Variants in LRRC4C observed in about 807,000 individuals in gnomAD.
LRRC4C encodes the protein leucine-rich repeat-containing protein 4C.
LRRC4C carries 5 observed loss-of-function variants against 33.6 expected under a neutral mutation model. The ratio of observed to expected loss-of-function variants is 0.15; its 90% confidence interval spans 0.08 to 0.31. The LOEUF (loss-of-function observed/expected upper bound fraction) is 0.31, where lower values mean the gene tolerates loss of function less well. LRRC4C is among the 10% of genes least tolerant of loss of function. LRRC4C has a pLI of 1.00. For synonymous variants in LRRC4C, 329 were observed against 302.0 expected (o/e 1.09, Z -0.93); for missense variants, 560 against 796.7 (o/e 0.70, Z 3.58).
At chr11:40,608,144 T>G (rs1299717668) in intron 3 of LRRC4C, among the ~76,000 whole-genome samples, 2 of 152,168 alleles carry the variant, frequency 1.3e-5, no homozygotes, top group African/African-American at 2.4e-5. Flanking sequence ...ACTTTTAATT[T>G]GGGTATAGGA....
At chr11:40,707,815 ATT>A (rs1359729002) in intron 2 of LRRC4C, among the ~76,000 whole-genome samples, 1 of 152,192 alleles carries the variant, frequency 6.6e-6, no homozygotes, top group African/African-American at 2.4e-5. Flanking sequence ...CTCTGGTATA[ATT>A]CGGCTGTGAA....
At chr11:41,125,272 T>C (rs1042071238) in intron 1 of LRRC4C, among the ~76,000 whole-genome samples, 48 of 80,642 alleles carry the variant, frequency 6.0e-4, no homozygotes, top group Non-Finnish European at 1.2e-3. Context: ...TGTTGAGTCA[T>C]GAAATGAAAA....
chr11:40,668,426 A>T (rs989833295), intron 2 of LRRC4C, among the ~76,000 whole-genome samples: 18 of 152,210 alleles, frequency 1.2e-4, no homozygotes, highest in Admixed American at 8.5e-4. Context: ...TAAAAAATGC[A>T]AACACAAATT....
chr11:40,763,733 T>A (rs1239289385), intron 2 of LRRC4C, among the ~76,000 whole-genome samples: 1 of 152,136 alleles, frequency 6.6e-6, no homozygotes, highest in Non-Finnish European at 1.5e-5. Context: ...TAGGATAGAA[T>A]TGAGCCAGAG....
intron 3 of LRRC4C, among the ~76,000 whole-genome samples, chr11:40,425,567 C>A (rs1950680794): frequency 1.3e-5 from 2 of 152,104 alleles, no homozygotes; most frequent in Admixed American, 6.5e-5. Context: ...GCCAGTTCCA[C>A]AAGCACAGAC....
chr11:41,239,321 CAAAAAAAAAAA>C (rs56018613), intron 1 of LRRC4C, among the ~76,000 whole-genome samples: 2 of 55,168 alleles, frequency 3.6e-5, no homozygotes, highest in South Asian at 9.9e-4. Flanking sequence ...GACTCTGTCT[CAAAAAAAAAAA>C]AAAAAAAAAA....
chr11:40,612,207 C>T (rs1329825068), intron 3 of LRRC4C, among the ~76,000 whole-genome samples: 1 of 151,692 alleles, frequency 6.6e-6, no homozygotes, highest in African/African-American at 2.4e-5. Flanking sequence ...ATTATTAAGC[C>T]TTAAAAAGAA....
At chr11:40,558,517 C>T (rs1450127711) in intron 3 of LRRC4C, among the ~76,000 whole-genome samples, 1 of 152,130 alleles carries the variant, frequency 6.6e-6, no homozygotes, top group Non-Finnish European at 1.5e-5. Flanking sequence ...AGAATCAGCT[C>T]ATTAAGGAAA....
intron 1 of LRRC4C, among the ~76,000 whole-genome samples, chr11:41,257,773 A>G (rs991331087): frequency 2.0e-5 from 3 of 152,038 alleles, no homozygotes; most frequent in African/African-American, 4.8e-5. Context: ...CCATGGCTCT[A>G]CTTTGCCAGA....
chr11:40,166,409 A>G (rs145182156), intron 5 of LRRC4C, among the ~76,000 whole-genome samples: 2 of 152,316 alleles, frequency 1.3e-5, no homozygotes, highest in East Asian at 3.9e-4. Context: ...ATCTTAATCT[A>G]CACTCTTTGA....
chr11:40,762,718 C>T (rs981485050), intron 2 of LRRC4C, among the ~76,000 whole-genome samples: 1 of 152,120 alleles, frequency 6.6e-6, no homozygotes, highest in Non-Finnish European at 1.5e-5. Flanking sequence ...CTTGAGTAGT[C>T]TGGCTACCCA....
intron 1 of LRRC4C, among the ~76,000 whole-genome samples, chr11:41,393,487 G>T (rs2939764): frequency 3.3e-5 from 5 of 151,492 alleles, no homozygotes; most frequent in African/African-American, 4.8e-5. Context: ...GTAGGGGCAG[G>T]GGGGAGGAGG....
chr11:40,933,778 A>T (rs888841283), intron 1 of LRRC4C, 55 bp from the exon 2 acceptor site: 2 of 152,044 alleles, frequency 1.3e-5, no homozygotes, highest in African/African-American at 4.8e-5. Flanking sequence ...GTTAGAAAAT[A>T]GCCCAAGCAA....
chr11:40,898,357 A>AG, intron 2 of LRRC4C, among the ~76,000 whole-genome samples: 1 of 143,252 alleles, frequency 7.0e-6, no homozygotes, highest in Non-Finnish European at 1.5e-5. Flanking sequence ...CCATCTCAAA[A>AG]AAAAAAAAAA....
In LRRC4C at chr11:40,114,871, G is replaced by A. The variant is rs754391328; in HGVS notation, c.1422C>T (p.Asn474=). The change falls in exon 7 of 7, where the codon AAC becomes AAT. Residue 474 remains asparagine (N), a synonymous_variant. Transcript: ENST00000528697. The part of the protein sequence containing the change: ...PSQDEARTTD[N]NVGPTPVVDW... ...CGACCACTGGAGTGGGACCCACATT[G>A]TTATCTGTGGTCCGTGCCTCATCCT... 1.9e-6 allele frequency: 3 copies of A among 1,614,174 alleles called. No homozygotes were observed. Among genetic ancestry groups the A allele is most frequent in the Non-Finnish European group, 2.5e-6 (3 of 1,180,020 alleles).
At chr11:40,620,443 C>T (rs1388355280) in intron 3 of LRRC4C, among the ~76,000 whole-genome samples, 1 of 151,656 alleles carries the variant, frequency 6.6e-6, no homozygotes, top group East Asian at 1.9e-4. Context: ...AGGAGGTAGA[C>T]CAGAAAGCAT....
chr11:40,693,760 T>C (rs1565642312), intron 2 of LRRC4C, among the ~76,000 whole-genome samples: 1 of 151,958 alleles, frequency 6.6e-6, no homozygotes, highest in East Asian at 1.9e-4. Context: ...GAGGAATAAA[T>C]TCATCTTAAA....
At chr11:41,212,259 A>T (rs1268096549) in intron 1 of LRRC4C, among the ~76,000 whole-genome samples, 1 of 152,228 alleles carries the variant, frequency 6.6e-6, no homozygotes. Context: ...ACGTGTAAAG[A>T]AAATAAAATG....
chr11:40,742,278 T>C (rs1174370664), intron 2 of LRRC4C, among the ~76,000 whole-genome samples: 1 of 152,056 alleles, frequency 6.6e-6, no homozygotes, highest in Non-Finnish European at 1.5e-5. Context: ...GACTTTTGCA[T>C]CTGAGAACAG....
Sources: gnomAD v4.1 joint callset for allele counts (sites outside exome capture counted in the v4.1 genomes callset) on GRCh38, gnomAD v4.1.1 for gene constraint, MANE v1.5 for transcripts, NCBI Gene and HGNC (gene_info 2026-07-23, HGNC 2026-07-21) for gene names.